LIMCH1: variants seen among roughly 807,000 people sequenced by gnomAD.
The protein encoded by LIMCH1 is LIM and calponin homology domains 1.
Under a neutral mutation model 176.5 loss-of-function variants are expected in LIMCH1, and 113 were observed. That is an observed-to-expected ratio of 0.64 (90% confidence interval 0.55 to 0.75). LIMCH1 has a LOEUF of 0.75. Among genes scored for constraint, LIMCH1 ranks in the 30% least tolerant of loss-of-function variants. The pLI is 0.00. For missense variants in LIMCH1, 1,674 were observed against 1,814.9 expected (o/e 0.92, Z 1.41); for synonymous variants, 619 against 645.9 (o/e 0.96, Z 0.63).
intron 18 of LIMCH1, among the ~76,000 whole-genome samples, chr4:41,655,162 A>G (rs1429525372): frequency 6.6e-6 from 1 of 152,152 alleles, no homozygotes; most frequent in Non-Finnish European, 1.5e-5. Flanking sequence ...TCTTTCCTCA[A>G]TGGCACCAAA....
chr4:41,455,107 A>C (rs1330866318), intron 1 of LIMCH1, among the ~76,000 whole-genome samples: 1 of 152,158 alleles, frequency 6.6e-6, no homozygotes, highest in Non-Finnish European at 1.5e-5. Context: ...ATAAATATTT[A>C]TGTGTAGTTG....
intron 1 of LIMCH1, among the ~76,000 whole-genome samples, chr4:41,573,790 C>T (rs1048111453): frequency 2.0e-5 from 3 of 152,170 alleles, no homozygotes; most frequent in East Asian, 1.9e-4. Context: ...GTTTTTGAGA[C>T]GTGTTGTCAG....
chr4:41,670,880 T>C (rs2094993506), intron 21 of LIMCH1: 1 of 1,496,456 alleles, frequency 6.7e-7, no homozygotes, highest in African/African-American at 1.4e-5. Flanking sequence ...TCTTCATTTC[T>C]GATTTCTGGG....
chr4:41,503,146 A>G (rs1343937925), intron 2 of LIMCH1, among the ~76,000 whole-genome samples: 2 of 152,102 alleles, frequency 1.3e-5, no homozygotes, highest in African/African-American at 2.4e-5. Context: ...CTTATATTTT[A>G]CTAGCTTTGC....
chr4:41,500,732 G>A (rs572486159), intron 2 of LIMCH1, among the ~76,000 whole-genome samples: 226 of 152,318 alleles, frequency 1.5e-3, no homozygotes, highest in African/African-American at 5.2e-3. Flanking sequence ...CAAGGAAGGA[G>A]CTTCCAGTGA....
intron 1 of LIMCH1, among the ~76,000 whole-genome samples, chr4:41,583,547 G>A (rs80125379): frequency 0.035 from 5,271 of 152,272 alleles, 130 homozygotes; most frequent in Middle Eastern, 0.058. Context: ...TTATTATTTT[G>A]AATATACTTT....
chr4:41,611,192 A>G (rs983025099), intron 4 of LIMCH1, among the ~76,000 whole-genome samples: 2 of 152,176 alleles, frequency 1.3e-5, no homozygotes, highest in African/African-American at 4.8e-5. Flanking sequence ...ATTGTGTTGC[A>G]GTTACCTACA....
At chr4:41,493,062 CT>C (rs1325023390) in intron 1 of LIMCH1, among the ~76,000 whole-genome samples, 1 of 151,880 alleles carries the variant, frequency 6.6e-6, no homozygotes, top group East Asian at 1.9e-4. Flanking sequence ...TTTTATTTAA[CT>C]TTTTTGTGTC....
At chr4:41,465,426 G>A (rs141719175) in intron 1 of LIMCH1, among the ~76,000 whole-genome samples, 2 of 152,290 alleles carry the variant, frequency 1.3e-5, no homozygotes, top group African/African-American at 2.4e-5. Context: ...GGCTTGCCAG[G>A]CCTTGAGTTA....
intron 1 of LIMCH1, among the ~76,000 whole-genome samples, chr4:41,421,891 T>C (rs2060633766): frequency 1.3e-5 from 2 of 152,260 alleles, no homozygotes; most frequent in South Asian, 4.1e-4. Flanking sequence ...GAGATCAGCC[T>C]GGCCAACATG....
chr4:41,540,606 A>G (rs2078508035), intron 1 of LIMCH1, among the ~76,000 whole-genome samples: 1 of 152,006 alleles, frequency 6.6e-6, no homozygotes, highest in Non-Finnish European at 1.5e-5. Context: ...GGGTGTGGTG[A>G]TGGGCACCTG....
intron 12 of LIMCH1, 61 bp from the exon 13 acceptor site, chr4:41,633,487 C>T (rs1051215923): frequency 4.2e-5 from 63 of 1,510,344 alleles, no homozygotes; most frequent in Non-Finnish European, 4.9e-5. Context: ...GTGAGTGACA[C>T]TACTGAAAAT....
intron 29 of LIMCH1, among the ~76,000 whole-genome samples, chr4:41,688,695 T>C (rs1340325536): frequency 6.6e-6 from 1 of 152,202 alleles, no homozygotes; most frequent in Non-Finnish European, 1.5e-5. Flanking sequence ...AGGACAGCTA[T>C]CTAGTTTCAG....
chr4:41,650,518 A>G lies in LIMCH1; in HGVS notation c.2946A>G (p.Arg982=). ...TKSQMFEGVA[R]VHGSPLELKQ... ...CCCAGATGTTTGAAGGTGTGGCCAG[A>G]GTGCACGGGTCTCCACTGGAGCTGA... is the stretch of plus-strand genomic sequence containing the variant. Residue 982 remains arginine (R), a synonymous_variant, in exon 18 of 32, where the codon AGA becomes AGG. Coordinates refer to ENST00000503057, the MANE Select transcript of LIMCH1 (RefSeq NM_001330672.2). The G allele has an allele frequency of 6.2e-7, 1 of 1,614,110 alleles. No homozygotes were observed. Among genetic ancestry groups the G allele is most frequent in the South Asian group, 1.1e-5 (1 of 91,082 alleles).
At chr4:41,631,100 T>C (rs567949328) in intron 9 of LIMCH1, 48 bp from the exon 10 acceptor site, 1 of 1,363,386 alleles carries the variant, frequency 7.3e-7, no homozygotes, top group East Asian at 2.6e-5. Context: ...AAACCTCTTA[T>C]TGATTTGTAC....
At chr4:41,548,298 G>C (rs1259661220) in intron 1 of LIMCH1, among the ~76,000 whole-genome samples, 1 of 152,020 alleles carries the variant, frequency 6.6e-6, no homozygotes, top group Non-Finnish European at 1.5e-5. Flanking sequence ...TGTAAAATGC[G>C]AGTGTTGAAC....
At chr4:41,430,615 C>G (rs2061519873) in intron 1 of LIMCH1, among the ~76,000 whole-genome samples, 1 of 152,176 alleles carries the variant, frequency 6.6e-6, no homozygotes, top group Non-Finnish European at 1.5e-5. Flanking sequence ...TGTTTCATTT[C>G]TCCAGTTTTT....
chr4:41,678,780 C>G (rs1408474317), intron 23 of LIMCH1, among the ~76,000 whole-genome samples: 1 of 149,554 alleles, frequency 6.7e-6, no homozygotes, highest in Non-Finnish European at 1.5e-5. Flanking sequence ...CTCTGCATCT[C>G]TGCATCATCA....
chr4:41,633,890 C>G, intron 13 of LIMCH1, 82 bp downstream of exon 13: 6 of 1,367,972 alleles, frequency 4.4e-6, no homozygotes, highest in Non-Finnish European at 4.9e-6. Context: ...TATGGCACCT[C>G]AGTGCCGCTT....
Sources: gnomAD v4.1 joint callset for allele counts (sites outside exome capture counted in the v4.1 genomes callset) on GRCh38, gnomAD v4.1.1 for gene constraint, MANE v1.5 for transcripts, NCBI Gene and HGNC (gene_info 2026-07-23, HGNC 2026-07-21) for gene names.